Variants in ATG4B observed in about 807,000 individuals in gnomAD.
ATG4B encodes the protein cysteine protease ATG4B.
In ATG4B, 29 loss-of-function variants were observed where a neutral mutation model predicts 56.6. That is an observed-to-expected ratio of 0.51 (90% confidence interval 0.38 to 0.70). The LOEUF is 0.70. ATG4B is among the 30% of genes least tolerant of loss of function. The pLI is 0.00. For synonymous variants in ATG4B, 224 were observed against 206.1 expected (o/e 1.09, Z -0.74); for missense variants, 461 against 515.5 (o/e 0.89, Z 1.02).
chr2:241,669,992 G>T (rs2068910032), intron 10 of ATG4B, among the ~76,000 whole-genome samples: 1 of 152,070 alleles, frequency 6.6e-6, no homozygotes, highest in Non-Finnish European at 1.5e-5. Context: ...AGACCAAAGG[G>T]GCCACCTGGT....
rs180932767 is a variant in ATG4B, at chr2:241,659,252, G to A, written c.538+65G>A. The A allele has an allele frequency of 4.7e-5, 68 of 1,431,610 alleles. 1 individual carries two copies. Among genetic ancestry groups the A allele is most frequent in the African/African-American group, 2.7e-4 (19 of 71,314 alleles). 88.7% of individuals were successfully genotyped at this position (1,431,610 alleles called of 1,614,324 possible). ...TCACGGGCAACATACACACTTCCTC[G>A]CCTGAGTCCCCACGGGAGCCTCGGC... On this transcript the variant is annotated intron_variant, in intron 7 of 12. Transcript: ENST00000404914.
chr2:241,662,815 G>A (rs896313978), intron 7 of ATG4B, among the ~76,000 whole-genome samples: 2 of 151,744 alleles, frequency 1.3e-5, no homozygotes, highest in East Asian at 1.9e-4. Flanking sequence ...GGTGGCTCAC[G>A]CCTATAATCC....
chr2:241,668,580 A>C lies in ATG4B; in HGVS notation c.852A>C (p.Pro284=). ...LIYLDPHTTQ[P]AVEPTDGCFI... ...ACCTGGACCCCCACACCACGCAGCC[A>C]GCCGTGGAGCCCACTGATGGCTGCT... Residue 284 remains proline (P), a synonymous_variant, in exon 10 of 13, where the codon CCA becomes CCC. Transcript: ENST00000404914. This position sits in a 1 kb window ranked among gnomAD's most constrained non-coding sequence, Gnocchi z 4.2. The C allele has an allele frequency of 6.2e-7, 1 of 1,607,976 alleles. No homozygotes were observed. Among genetic ancestry groups the C allele is most frequent in the Middle Eastern group, 1.7e-4 (1 of 6,046 alleles).
At chr2:241,661,312 C>T (rs1029694725) in intron 7 of ATG4B, among the ~76,000 whole-genome samples, 5 of 152,226 alleles carry the variant, frequency 3.3e-5, no homozygotes, top group African/African-American at 1.2e-4. Context: ...AGCAAAGGCA[C>T]TGGCATTGAT....
At chr2:241,640,930 G>A (rs189674449) in intron 1 of ATG4B, among the ~76,000 whole-genome samples, 36 of 152,318 alleles carry the variant, frequency 2.4e-4, no homozygotes, top group African/African-American at 4.8e-5. Context: ...TGTTTATTCT[G>A]AACAGGATGG....
chr2:241,651,314 A>G lies in ATG4B; in HGVS notation c.163A>G (p.Arg55Gly). ...GGCATCTAGACTTTGGTTTACATAC[A>G]GGAAAAACTTTCCAGCCATTGGTAA... ...DVASRLWFTYRKNFPAIGGTG... is the reference protein window; with the variant it reads ...DVASRLWFTYGKNFPAIGGTG... Residue 55 changes from arginine (R) to glycine (G), a missense_variant, in exon 3 of 13, where the codon AGG becomes GGG. By Grantham distance (125) the Arg-to-Gly change is moderately radical. Transcript: ENST00000404914. The surrounding 1 kb of genome is among the most constrained non-coding windows in gnomAD (Gnocchi z 4.1). The G allele has an allele frequency of 6.2e-7, 1 of 1,601,414 alleles. No individual in the cohort carries two copies.
At chr2:241,664,059 C>A (rs545167701) in intron 7 of ATG4B, among the ~76,000 whole-genome samples, 1 of 152,274 alleles carries the variant, frequency 6.6e-6, no homozygotes, top group East Asian at 1.9e-4. Flanking sequence ...ACCTCATGAT[C>A]TGCCCACCTT....
chr2:241,659,345 G>A, intron 7 of ATG4B, 158 bp downstream of exon 7: 1 of 717,478 alleles, frequency 1.4e-6, no homozygotes. Context: ...CAGATGCACG[G>A]TGGCCTCGCT....
At chr2:241,650,509 TAGGATGGCCATGGAAA>T (rs2068197706) in intron 1 of ATG4B, among the ~76,000 whole-genome samples, 1 of 152,082 alleles carries the variant, frequency 6.6e-6, no homozygotes, top group African/African-American at 2.4e-5. Context: ...TGGTAAACCT[TAGGATGGCCATGGAAA>T]ACGACTCTTT....
At chr2:241,643,680 G>GTGTGTGTGTGTA (rs757565788) in intron 1 of ATG4B, among the ~76,000 whole-genome samples, 68 of 129,004 alleles carry the variant, frequency 5.3e-4, no homozygotes, top group African/African-American at 2.2e-3. Flanking sequence ...GTGTGTGTGT[G>GTGTGTGTGTGTA]TATGTATATA....
chr2:241,643,739 G>T lies in ATG4B; in HGVS notation c.10+6015G>T, dbSNP rs1029916796. On this transcript the variant is annotated intron_variant, in intron 1 of 12. Transcript: ENST00000404914. ...GGCTGGAGTGCAGTGGCGTGATCTC[G>T]GCTCACTGCAACGGGGTTTTGCCAT... Among the ~76,000 whole-genome samples, 4 of 139,870 alleles carry T rather than the reference G, an allele frequency of 2.9e-5. No individual in the cohort carries two copies. In the Admixed American group the frequency reaches 2.9e-4, roughly 10 times the overall value. 91.8% of individuals were successfully genotyped at this position (139,870 alleles called of 152,430 possible). A position where few individuals can be genotyped will look rare whatever the true frequency, so the allele number is the denominator to read the frequency against.
chr2:241,659,337 G>T, intron 7 of ATG4B, 150 bp downstream of exon 7: 1 of 735,714 alleles, frequency 1.4e-6, no homozygotes, highest in Non-Finnish European at 2.4e-6. Context: ...CGCCAAGCCA[G>T]ATGCACGGTG....
intron 1 of ATG4B, 156 bp downstream of exon 1, chr2:241,637,880 G>T: frequency 1.1e-5 from 3 of 265,304 alleles, no homozygotes; most frequent in East Asian, 1.8e-4. Flanking sequence ...GCGGGGCGGT[G>T]TTGGTGGGTG....
intron 1 of ATG4B, among the ~76,000 whole-genome samples, chr2:241,643,096 G>A (rs991003808): frequency 1.3e-5 from 2 of 151,542 alleles, no homozygotes; most frequent in Admixed American, 6.6e-5. Flanking sequence ...TGTTGGCCAG[G>A]CTGTTCTCGA....
intron 12 of ATG4B, 66 bp downstream of exon 12, chr2:241,671,471 C>T (rs905627970): frequency 1.9e-6 from 3 of 1,586,882 alleles, no homozygotes; most frequent in African/African-American, 2.7e-5. Flanking sequence ...TTCCCCAGTC[C>T]TGGCCCCCTT....
At chr2:241,665,359 G>A (rs1015632847) in intron 7 of ATG4B, among the ~76,000 whole-genome samples, 17 of 152,242 alleles carry the variant, frequency 1.1e-4, no homozygotes, top group South Asian at 2.1e-4. Context: ...ACCAGGGTCC[G>A]TCTTGGCCCC....
At chr2:241,669,329 G>A (rs550356690) in intron 10 of ATG4B, among the ~76,000 whole-genome samples, 3 of 152,282 alleles carry the variant, frequency 2.0e-5, no homozygotes, top group African/African-American at 4.8e-5. Context: ...TAACCGAATC[G>A]GGGGCTCTGT....
chr2:241,663,578 A>G (rs2068657202), intron 7 of ATG4B, among the ~76,000 whole-genome samples: 1 of 152,250 alleles, frequency 6.6e-6, no homozygotes, highest in Admixed American at 6.5e-5. Flanking sequence ...TTACAAAGTG[A>G]AAATTAATGA....
rs921962553 is a variant in ATG4B at position 241,652,115 on chromosome 2, G to T, written c.184+780G>T. Reference sequence around the variant, plus strand: ...GCTGGACATTGGAGAACACTGACGCGTAGGGACATACGACAGTGTCTCCTT... The same window carrying T: ...GCTGGACATTGGAGAACACTGACGCTTAGGGACATACGACAGTGTCTCCTT... On this transcript the variant is annotated intron_variant, in intron 3 of 12. Transcript: ENST00000404914. 1.9e-5 allele frequency: 8 copies of T among 418,954 alleles called. No individual in the cohort carries two copies. In the East Asian group the frequency reaches 3.6e-4, roughly 19 times the overall value. The allele number at this position is 418,954 out of a possible 1,614,324, so 26.0% of individuals were successfully genotyped here.
Sources: gnomAD v4.1 joint callset for allele counts (sites outside exome capture counted in the v4.1 genomes callset) on GRCh38, gnomAD v4.1.1 for gene constraint, Gnocchi (gnomAD v3.1) non-coding constraint, MANE v1.5 for transcripts, NCBI Gene and HGNC (gene_info 2026-07-23, HGNC 2026-07-21) for gene names.